The following GLRA2 variants were observed in gnomAD, a reference collection of about 807,000 sequenced individuals.
The protein encoded by GLRA2 is glycine receptor alpha 2.
Under a neutral mutation model 31.6 loss-of-function variants are expected in GLRA2, and 11 were observed. That is an observed-to-expected ratio of 0.35 (90% CI 0.22 to 0.58). GLRA2 has a LOEUF of 0.58. GLRA2 is among the 20% of genes least tolerant of loss of function. The pLI is 0.84. For synonymous variants in GLRA2, 132 were observed against 134.0 expected, an observed-to-expected ratio of 0.99 and a Z score of 0.10; for missense variants, 212 against 351.8, an observed-to-expected ratio of 0.60 and a Z score of 3.18.
chrX:14,670,083 C>A (rs2091075424), intron 7 of GLRA2, among the ~76,000 whole-genome samples: 1 of 111,888 alleles, frequency 8.9e-6, no homozygotes, highest in Non-Finnish European at 1.9e-5. Flanking sequence ...CTCTCAAGTT[C>A]AAAGTTCCAC....
intron 4 of GLRA2, among the ~76,000 whole-genome samples, chrX:14,581,957 A>T (rs767492728): frequency 1.8e-5 from 2 of 110,979 alleles, no homozygotes; most frequent in South Asian, 7.6e-4. Flanking sequence ...AATTGCTGAG[A>T]TCCATTTTTG....
At chrX:14,616,084 G>A (rs1267874058) in intron 7 of GLRA2, among the ~76,000 whole-genome samples, 2 of 111,814 alleles carry the variant, frequency 1.8e-5, no homozygotes, top group African/African-American at 6.5e-5. Context: ...ACTAAAGGCT[G>A]CATGTTGTCT....
chrX:14,497,420 C>T, the GLRA2 span, among the ~76,000 whole-genome samples: 5 of 111,923 alleles, frequency 4.5e-5, no homozygotes, highest in South Asian at 7.4e-4. Context: ...GAAAACAGCT[C>T]GGTGCAGTCT....
intron 8 of GLRA2, among the ~76,000 whole-genome samples, chrX:14,707,390 T>C (rs770519645): frequency 9.0e-6 from 1 of 111,611 alleles, no homozygotes; most frequent in African/African-American, 3.3e-5. Context: ...CAAGCAAGAT[T>C]ATGCACGTGA....
intron 7 of GLRA2, among the ~76,000 whole-genome samples, chrX:14,652,237 C>T (rs2090896931): frequency 8.9e-6 from 1 of 111,822 alleles, no homozygotes; most frequent in Non-Finnish European, 1.9e-5. Flanking sequence ...GTGTGCTTTA[C>T]CTAGACTGTC....
intron 7 of GLRA2, among the ~76,000 whole-genome samples, chrX:14,681,904 A>ATATATATATAT (rs1295348729): frequency 2.6e-5 from 1 of 37,966 alleles, no homozygotes; most frequent in Non-Finnish European, 6.9e-5. Context: ...AAAAAAAAAA[A>ATATATATATAT]AAAAAAATAT....
At chrX:14,490,095 C>G in the GLRA2 span, among the ~76,000 whole-genome samples, 1 of 111,054 alleles carries the variant, frequency 9.0e-6, no homozygotes, top group Non-Finnish European at 1.9e-5. Flanking sequence ...AGACAGTGCC[C>G]AGCTAACCCA....
chrX:14,632,331 T>G (rs988216642), intron 7 of GLRA2, among the ~76,000 whole-genome samples: 2 of 111,607 alleles, frequency 1.8e-5, no homozygotes, highest in Non-Finnish European at 3.8e-5. Flanking sequence ...ATCCTTGATT[T>G]CTTTTTAAAA....
intron 2 of GLRA2, among the ~76,000 whole-genome samples, chrX:14,560,928 CATT>C (rs1260652240): frequency 2.8e-5 from 3 of 108,967 alleles, no homozygotes; most frequent in Non-Finnish European, 5.7e-5. Flanking sequence ...AAAATATAGT[CATT>C]ATGAATAATA....
the GLRA2 span, among the ~76,000 whole-genome samples, chrX:14,500,985 C>A: frequency 9.3e-6 from 1 of 107,090 alleles, no homozygotes; most frequent in Non-Finnish European, 1.9e-5. Flanking sequence ...AGAAACCCAA[C>A]AAGGTTTCTT....
chrX:14,634,848 T>C (rs1422354705), intron 7 of GLRA2, among the ~76,000 whole-genome samples: 2 of 112,257 alleles, frequency 1.8e-5, no homozygotes, highest in Non-Finnish European at 3.8e-5. Flanking sequence ...GTTAATTCCC[T>C]CATAATGTAG....
chrX:14,513,439 G>T, the GLRA2 span, among the ~76,000 whole-genome samples: 1 of 112,010 alleles, frequency 8.9e-6, no homozygotes, highest in East Asian at 2.8e-4. Context: ...AAACTAAAAA[G>T]CTTCTGCACA....
the GLRA2 span, among the ~76,000 whole-genome samples, chrX:14,471,188 T>C: frequency 8.9e-6 from 1 of 111,894 alleles, no homozygotes; most frequent in South Asian, 3.7e-4. Context: ...TTTTTTTGAT[T>C]AAACACATTA....
intron 4 of GLRA2, among the ~76,000 whole-genome samples, chrX:14,601,113 C>A (rs3027381): frequency 0.22 from 23,844 of 109,379 alleles, 2,224 homozygotes; most frequent in Non-Finnish European, 0.3. Flanking sequence ...AAAACAAAGT[C>A]TTTATGCTGG....
intron 3 of GLRA2, among the ~76,000 whole-genome samples, chrX:14,578,384 TC>T (rs2089979777): frequency 8.9e-6 from 1 of 112,345 alleles, no homozygotes; most frequent in Non-Finnish European, 1.9e-5. Context: ...AGATGTGTAC[TC>T]ACAGGACAAC....
At chrX:14,676,605 G>A (rs1160066211) in intron 7 of GLRA2, among the ~76,000 whole-genome samples, 1 of 111,769 alleles carries the variant, frequency 8.9e-6, no homozygotes. Flanking sequence ...AATGGAGAGG[G>A]TATCCAAGCT....
chrX:14,530,326 C>T (rs1007886555), intron 1 of GLRA2, among the ~76,000 whole-genome samples: 43 of 111,588 alleles, frequency 3.9e-4, no homozygotes, highest in African/African-American at 1.2e-3. Context: ...GATGCATAGC[C>T]GCACTCTATG....
At chrX:14,620,909 G>T (rs2147107671) in intron 7 of GLRA2, among the ~76,000 whole-genome samples, 1 of 110,950 alleles carries the variant, frequency 9.0e-6, no homozygotes, top group African/African-American at 3.3e-5. Flanking sequence ...GGTGTAAATG[G>T]CCTCTCTTCC....
At chrX:14,567,618 G>A (rs777497265) in intron 2 of GLRA2, among the ~76,000 whole-genome samples, 40 of 112,140 alleles carry the variant, frequency 3.6e-4, no homozygotes, top group African/African-American at 1.1e-3. Context: ...GCATTGTATT[G>A]GAAGTTTTAT....
Sources: gnomAD v4.1 joint callset for allele counts (sites outside exome capture counted in the v4.1 genomes callset) on GRCh38, gnomAD v4.1.1 for gene constraint, MANE v1.5 for transcripts, NCBI Gene and HGNC (gene_info 2026-07-23, HGNC 2026-07-21) for gene names.